Variants in NADSYN1 observed in about 807,000 individuals in gnomAD.
NADSYN1 encodes the protein NAD synthetase 1.
In NADSYN1, 80 loss-of-function variants were observed where a neutral mutation model predicts 99.3. The ratio of observed to expected loss-of-function variants is 0.81; its 90% CI spans 0.67 to 0.97. NADSYN1 has a LOEUF of 0.97. Ranked by LOEUF, NADSYN1 falls within the 50% of genes least tolerant of loss-of-function variation. NADSYN1 has a pLI of 0.00. For missense variants in NADSYN1, 859 were observed against 948.5 expected (o/e 0.91, Z 1.24); for synonymous variants, 385 against 372.1 (o/e 1.03, Z -0.40).
chr11:71,484,100 G>T (rs994978005), intron 14 of NADSYN1, among the ~76,000 whole-genome samples: 7 of 152,256 alleles, frequency 4.6e-5, no homozygotes, highest in Admixed American at 4.6e-4. Flanking sequence ...CAGACTGCCA[G>T]TGGGATGGGG....
chr11:71,490,753 G>T (rs1478199886), intron 16 of NADSYN1, 92 bp from the exon 17 acceptor site: 4 of 1,536,760 alleles, frequency 2.6e-6, no homozygotes, highest in Non-Finnish European at 3.5e-6. Flanking sequence ...TCTGGCTTCA[G>T]GGCCCCTGGA....
At chr11:71,494,839 G>A (rs188050173) in intron 18 of NADSYN1, among the ~76,000 whole-genome samples, 22 of 152,338 alleles carry the variant, frequency 1.4e-4, no homozygotes, top group African/African-American at 5.3e-4. Context: ...ACAGGCGTGA[G>A]CCACCGCGTC....
At position 71,477,511 on chromosome 11, in the gene NADSYN1, A is replaced by G. The variant is rs934636968; in HGVS notation, c.799-884A>G. Reference sequence around the variant, plus strand: ...CCACGGCCATCCTGTGAACCGCCGCAGTGGTGCAGGTGCTGTTCCCGCTGT... The same window carrying G: ...CCACGGCCATCCTGTGAACCGCCGCGGTGGTGCAGGTGCTGTTCCCGCTGT... On this transcript the variant is annotated intron_variant, in intron 9 of 20. Coordinates refer to ENST00000319023, the MANE Select transcript of NADSYN1 (RefSeq NM_018161.5). 6 of 1,206,266 alleles carry G rather than the reference A, an allele frequency of 5.0e-6. No homozygotes were observed. The Admixed American group carries it at 1.5e-4, about 29-fold the overall frequency. 74.7% of individuals were successfully genotyped at this position (1,206,266 alleles called of 1,614,324 possible).
intron 18 of NADSYN1, 50 bp downstream of exon 18, chr11:71,491,953 C>CAGGA: frequency 6.5e-7 from 1 of 1,535,806 alleles, no homozygotes; most frequent in Non-Finnish European, 8.9e-7. Flanking sequence ...TCCCCACCTC[C>CAGGA]TGTGTGGTGG....
At chr11:71,494,680 G>C (rs759036092) in intron 18 of NADSYN1, among the ~76,000 whole-genome samples, 1 of 152,032 alleles carries the variant, frequency 6.6e-6, no homozygotes, top group African/African-American at 2.4e-5. Flanking sequence ...TCAGCCTCCC[G>C]AGTAGCTGGG....
At position 71,474,503 on chromosome 11, in the gene NADSYN1, T is replaced by C; in HGVS notation, c.775T>C (p.Ser259Pro). 1.2e-6 allele frequency: 2 copies of C among 1,614,164 alleles called. No homozygotes were observed. Among genetic ancestry groups the C allele is most frequent in the South Asian group, 2.2e-5 (2 of 91,074 alleles). Residue 259 changes from serine (S) to proline (P), a missense_variant, in exon 9 of 21, where the codon TCC becomes CCC. Ser to Pro is a moderately conservative substitution (Grantham distance 74). Coordinates refer to ENST00000319023, the MANE Select transcript of NADSYN1 (RefSeq NM_018161.5). ...GAACGGAAGCGTCTTTGCTCAAGGA[T>C]CCCAGTTTTCTCTGGATGACGTGGT... ...AMNGSVFAQGSQFSLDDVEVL... is the reference protein window; with the variant it reads ...AMNGSVFAQGPQFSLDDVEVL...
chr11:71,494,744 G>T (rs182534416), intron 18 of NADSYN1, among the ~76,000 whole-genome samples: 4 of 152,006 alleles, frequency 2.6e-5, no homozygotes, highest in African/African-American at 9.7e-5. Context: ...TAGTAGAGAC[G>T]GGGTTTTTCC....
At chr11:71,471,620 C>T (rs909858222) in intron 5 of NADSYN1, among the ~76,000 whole-genome samples, 1 of 152,154 alleles carries the variant, frequency 6.6e-6, no homozygotes, top group African/African-American at 2.4e-5. Flanking sequence ...AAATGCATTT[C>T]GGTGCAGCAG....
intron 2 of NADSYN1, among the ~76,000 whole-genome samples, chr11:71,457,320 C>T (rs192187949): frequency 4.5e-4 from 69 of 152,324 alleles, no homozygotes; most frequent in African/African-American, 1.6e-3. Context: ...CAATGCTTTC[C>T]CAGATACTGA....
rs11233901 is a variant in NADSYN1, at chr11:71,488,870, A to G, written c.1563-1975A>G. Among the ~76,000 whole-genome samples the G allele has an allele frequency of 8.5e-3, 1,287 of 152,176 alleles. 24 individuals carry two copies. Among genetic ancestry groups the G allele is most frequent in the African/African-American group, 0.029 (1,217 of 41,512 alleles). ...TCTCCATTTGTTTATTTGCCTTAAGATACTGTCAAGAAAAGACCAGTAGAG... is the reference window on the plus strand; with the variant it reads ...TCTCCATTTGTTTATTTGCCTTAAGGTACTGTCAAGAAAAGACCAGTAGAG... On this transcript the variant is annotated intron_variant, in intron 16 of 20. Coordinates refer to ENST00000319023, the MANE Select transcript of NADSYN1 (RefSeq NM_018161.5).
chr11:71,454,991 A>C, intron 1 of NADSYN1, 119 bp from the exon 2 acceptor site: 1 of 704,240 alleles, frequency 1.4e-6, no homozygotes, highest in Non-Finnish European at 2.4e-6. Context: ...GGCACAGAGC[A>C]TTTTTGTTTG....
At chr11:71,487,830 C>CAAAAAAAAAAAAA (rs71049984) in intron 16 of NADSYN1, among the ~76,000 whole-genome samples, 4 of 80,078 alleles carry the variant, frequency 5.0e-5, no homozygotes, top group Non-Finnish European at 9.6e-5. Context: ...GACTCCGTCT[C>CAAAAAAAAAAAAA]AAAAAAAAAA....
At chr11:71,488,394 G>C (rs900866864) in intron 16 of NADSYN1, among the ~76,000 whole-genome samples, 2 of 152,116 alleles carry the variant, frequency 1.3e-5, no homozygotes, top group Admixed American at 6.5e-5. Context: ...CCTGCGGGAG[G>C]CGAGGGTGGG....
At chr11:71,477,959 CTT>C (rs1419876249) in intron 9 of NADSYN1, among the ~76,000 whole-genome samples, 1 of 152,230 alleles carries the variant, frequency 6.6e-6, no homozygotes, top group Non-Finnish European at 1.5e-5. Context: ...CCTTGCGTGT[CTT>C]TTTGATGAGA....
chr11:71,500,325 G>C (rs1442971773), intron 20 of NADSYN1, among the ~76,000 whole-genome samples: 7 of 152,230 alleles, frequency 4.6e-5, no homozygotes, highest in Non-Finnish European at 8.8e-5. Context: ...TCTCTGAGCA[G>C]GTGGCCTGTA....
chr11:71,477,473 G>T (rs1157249128), intron 9 of NADSYN1: 1 of 1,285,924 alleles, frequency 7.8e-7, no homozygotes, highest in Non-Finnish European at 1.0e-6. Context: ...GGAGCAAGGG[G>T]CGCGCAAGGT....
At chr11:71,496,398 T>G (rs566586255) in intron 18 of NADSYN1, 10 of 152,336 alleles carry the variant, frequency 6.6e-5, no homozygotes, top group South Asian at 4.1e-4. Flanking sequence ...TGGTAGATTC[T>G]CATAAGGAGC....
Position 71,497,664 on chromosome 11 carries a change from T to C in NADSYN1, c.1893+53T>C, listed in dbSNP as rs1362830287. ...GGAGGCCAGTTAGGTAATGTCCCCT[T>C]TGCAGAGGCCGGTTTGACCTGTAGG... is the stretch of plus-strand genomic sequence containing the variant. On this transcript the variant is annotated intron_variant, in intron 19 of 20. Coordinates refer to ENST00000319023, the MANE Select transcript of NADSYN1 (RefSeq NM_018161.5). 1.2e-5 allele frequency: 20 copies of C among 1,611,206 alleles called. No homozygotes were observed. The Admixed American group carries it at 1.3e-4, about 11-fold the overall frequency.
At chr11:71,490,504 C>T (rs907086166) in intron 16 of NADSYN1, among the ~76,000 whole-genome samples, 4 of 152,152 alleles carry the variant, frequency 2.6e-5, no homozygotes, top group South Asian at 4.1e-4. Context: ...CGCGGCCGCC[C>T]GGGCAGCAGA....
Sources: allele counts gnomAD v4.1 joint callset (sites outside exome capture counted in the v4.1 genomes callset), GRCh38; gene constraint gnomAD v4.1.1; transcripts MANE v1.5; gene names NCBI Gene and HGNC (gene_info 2026-07-23, HGNC 2026-07-21).